KSR1: variants seen among roughly 807,000 people sequenced by gnomAD.
KSR1 encodes the protein kinase suppressor of ras 1, also known as kinase suppressor of ras.
In KSR1, 35 loss-of-function variants were observed where a neutral mutation model predicts 92.9. That is an observed-to-expected ratio of 0.38 (90% CI 0.29 to 0.50). KSR1 has a LOEUF of 0.50. Among genes scored for constraint, KSR1 ranks in the 20% least tolerant of loss-of-function variants. The probability of loss-of-function intolerance (pLI) is 0.94; values close to 1 mark genes in which losing one functional copy is unlikely to be tolerated. For missense variants in KSR1, 972 were observed against 1,158.5 expected (o/e 0.84, Z 2.34); for synonymous variants, 467 against 472.6 (o/e 0.99, Z 0.15).
chr17:27,516,673 G>C (rs1010185554), intron 1 of KSR1, among the ~76,000 whole-genome samples: 8 of 152,176 alleles, frequency 5.3e-5, no homozygotes, highest in African/African-American at 1.7e-4. Context: ...TTTCGAAGCT[G>C]AGATCATCCT....
At chr17:27,614,761 AG>A (rs2074011305) in intron 18 of KSR1, among the ~76,000 whole-genome samples, 1 of 152,218 alleles carries the variant, frequency 6.6e-6, no homozygotes. Flanking sequence ...TTTTGAGACC[AG>A]TGTGGGATCA....
chr17:27,538,315 T>G (rs926633456), intron 1 of KSR1, among the ~76,000 whole-genome samples: 2 of 152,210 alleles, frequency 1.3e-5, no homozygotes, highest in Non-Finnish European at 2.9e-5. Context: ...ACAGGGATAC[T>G]GTCTCTGGTT....
intron 2 of KSR1, among the ~76,000 whole-genome samples, chr17:27,569,584 G>A (rs2072225549): frequency 6.6e-6 from 1 of 152,252 alleles, no homozygotes; most frequent in Non-Finnish European, 1.5e-5. Flanking sequence ...ACTAAGAATG[G>A]TTTTTACATT....
intron 1 of KSR1, among the ~76,000 whole-genome samples, chr17:27,482,258 TA>T: frequency 1.3e-5 from 2 of 152,050 alleles, no homozygotes; most frequent in Middle Eastern, 3.4e-3. Context: ...AAAAAAAAAT[TA>T]TATGTATATA....
intron 1 of KSR1, among the ~76,000 whole-genome samples, chr17:27,470,440 C>G (rs764153384): frequency 6.6e-6 from 1 of 152,092 alleles, no homozygotes; most frequent in African/African-American, 2.4e-5. Flanking sequence ...CAGGGTTTCA[C>G]CATGTTGGTC....
At chr17:27,623,034 A>G in intron 20 of KSR1, 2 of 494,486 alleles carry the variant, frequency 4.0e-6, no homozygotes, top group Non-Finnish European at 7.1e-6. Flanking sequence ...ATGAGAAAAC[A>G]ATTCCTAGGA....
chr17:27,548,766 G>A (rs2071282381), intron 1 of KSR1, among the ~76,000 whole-genome samples: 1 of 151,800 alleles, frequency 6.6e-6, no homozygotes, highest in Non-Finnish European at 1.5e-5. Flanking sequence ...GGAGGCGGAG[G>A]TTGCAGTGAG....
chr17:27,604,764 C>G (rs1250108035), intron 13 of KSR1, 36 bp downstream of exon 13: 1 of 1,610,212 alleles, frequency 6.2e-7, no homozygotes, highest in East Asian at 2.2e-5. Flanking sequence ...AGATGGCCCC[C>G]CCTCTTTTTT....
At chr17:27,500,357 G>T (rs1022507756) in intron 1 of KSR1, among the ~76,000 whole-genome samples, 4 of 152,170 alleles carry the variant, frequency 2.6e-5, no homozygotes, top group Non-Finnish European at 2.9e-5. Context: ...CTGCTAAGGG[G>T]TAGCTGTGCA....
intron 1 of KSR1, among the ~76,000 whole-genome samples, chr17:27,534,217 G>A (rs1286139722): frequency 6.6e-6 from 1 of 152,238 alleles, no homozygotes; most frequent in African/African-American, 2.4e-5. Flanking sequence ...TTCAGTGTGA[G>A]TGTGTTCCAG....
In KSR1 at chr17:27,605,796, C is replaced by T. The variant is rs531321407; in HGVS notation, c.1977C>T (p.His659=). 3.7e-6 allele frequency: 6 copies of T among 1,612,604 alleles called. No individual in the cohort carries two copies. In the African/African-American group the frequency reaches 8.0e-5, roughly 21 times the overall value. Residue 659 remains histidine, a synonymous_variant, in exon 14 of 21, where the codon CAC becomes CAT. Transcript: ENST00000644974. The part of the protein sequence containing the change: ...LFMGACMNPP[H]LAIITSFCKG... Reference sequence around the variant, plus strand: ...TGGGGGCCTGCATGAACCCGCCCCACCTGGCCATTATCACCAGGTAACCAA... The same window carrying T: ...TGGGGGCCTGCATGAACCCGCCCCATCTGGCCATTATCACCAGGTAACCAA...
chr17:27,585,936 TCCACCTTGCCC>T, intron 5 of KSR1: 2 of 516,130 alleles, frequency 3.9e-6, no homozygotes, highest in Non-Finnish European at 3.5e-6. Context: ...GAGCCCTGTC[TCCACCTTGCCC>T]TTCCCCACCG....
Position 27,605,824 on chromosome 17 carries a change from C to A in KSR1, c.1994+11C>A. ...GGCCATTATCACCAGGTAACCAAGC[C>A]CTAGGACCTCATGCTGGATGGCCAG... On this transcript the variant is annotated intron_variant, in intron 14 of 20. Coordinates refer to ENST00000644974, the MANE Select transcript of KSR1 (RefSeq NM_001394583.1). 6.2e-7 allele frequency: 1 copy of A among 1,611,814 alleles called. No homozygotes were observed.
chr17:27,608,660 T>C (rs1238798394), intron 15 of KSR1, among the ~76,000 whole-genome samples: 3 of 152,148 alleles, frequency 2.0e-5, no homozygotes, highest in African/African-American at 7.2e-5. Context: ...GAGATGGAGT[T>C]CAAACCCCAG....
intron 1 of KSR1, among the ~76,000 whole-genome samples, chr17:27,466,851 A>T (rs2019724614): frequency 6.6e-6 from 1 of 152,202 alleles, no homozygotes; most frequent in African/African-American, 2.4e-5. Flanking sequence ...CTGCTGCCTG[A>T]GGTTTCAGAA....
chr17:27,605,015 G>T (rs1460463321), intron 13 of KSR1, among the ~76,000 whole-genome samples: 1 of 152,218 alleles, frequency 6.6e-6, no homozygotes, highest in Non-Finnish European at 1.5e-5. Flanking sequence ...TCCCTCCATT[G>T]CATTATGGCT....
Position 27,582,802 on chromosome 17 carries a change from G to T in KSR1, c.677G>T (p.Arg226Leu). 6.2e-7 allele frequency: 1 copy of T among 1,613,500 alleles called. No individual in the cohort carries two copies. The highest frequency in any genetic ancestry group is 1.1e-5 in the South Asian group (1 of 91,046). Residue 226 changes from arginine (R) to leucine (L), a missense_variant, in exon 4 of 21, where the codon CGC becomes CTC. This residue lies in a region of KSR1 where 611 missense variants were observed against 668.0 expected (regional missense o/e 0.91). Transcript: ENST00000644974. ...GCAGGCAACAGCGCCCAGGGCCCAC[G>T]CTCCATCTCCGTGTCAGCTCTGCCC... ...GRAGNSAQGP[R>L]SISVSALPAS...
At chr17:27,502,118 C>A (rs1278219685) in intron 1 of KSR1, among the ~76,000 whole-genome samples, 2 of 152,218 alleles carry the variant, frequency 1.3e-5, no homozygotes, top group African/African-American at 4.8e-5. Context: ...GAAGAGTGAG[C>A]AAGGGGCTGA....
At position 27,486,322 on chromosome 17, in the gene KSR1, G is replaced by T. The variant is rs79353446; in HGVS notation, c.231+29448G>T. On this transcript the variant is annotated intron_variant, in intron 1 of 20. Coordinates refer to ENST00000644974, the MANE Select transcript of KSR1 (RefSeq NM_001394583.1). ...CGTTGTCTTGGGTCTGGCATCCAAG[G>T]CTGCTGAGCTGGTGAGTCTGGTGCC... 5.5e-4 allele frequency among the ~76,000 whole-genome samples: 84 copies of T among 152,338 alleles called. No individual in the cohort carries two copies. In the East Asian group the frequency reaches 0.016, roughly 28 times the overall value.
Sources: allele counts gnomAD v4.1 joint callset (sites outside exome capture counted in the v4.1 genomes callset), GRCh38; gene constraint gnomAD v4.1.1; regional missense constraint gnomAD v4.1.1; transcripts MANE v1.5; gene names NCBI Gene and HGNC (gene_info 2026-07-23, HGNC 2026-07-21).